Variants in SLC25A21 observed in about 807,000 individuals in gnomAD.
SLC25A21 encodes the protein solute carrier family 25 member 21.
Under a neutral mutation model 43.8 loss-of-function variants are expected in SLC25A21, and 47 were observed. The observed-to-expected ratio is 1.07, with a 90% CI of 0.85 to 1.37. SLC25A21 has a LOEUF of 1.37. Ranked by LOEUF, SLC25A21 falls within the 40% of genes most tolerant of loss-of-function variation. The probability of loss-of-function intolerance (pLI) is 0.00; values close to 1 mark genes in which losing one functional copy is unlikely to be tolerated. For synonymous variants in SLC25A21, 131 were observed against 121.3 expected (o/e 1.08, Z -0.52); for missense variants, 352 against 350.2 (o/e 1.00, Z -0.04).
At chr14:36,940,636 T>C (rs1283905366) in intron 1 of SLC25A21, among the ~76,000 whole-genome samples, 1 of 152,140 alleles carries the variant, frequency 6.6e-6, no homozygotes, top group African/African-American at 2.4e-5. Flanking sequence ...TATCTTACCA[T>C]GCAACGTATC....
chr14:36,749,231 C>T (rs1200645200), intron 3 of SLC25A21, among the ~76,000 whole-genome samples: 1 of 152,128 alleles, frequency 6.6e-6, no homozygotes, highest in Non-Finnish European at 1.5e-5. Context: ...CTGCCTGATT[C>T]GCGAATCGTT....
At chr14:36,985,503 T>A (rs1188197140) in intron 1 of SLC25A21, among the ~76,000 whole-genome samples, 4 of 152,174 alleles carry the variant, frequency 2.6e-5, no homozygotes, top group Non-Finnish European at 5.9e-5. Flanking sequence ...AATTCATCAA[T>A]CCTTTCTTTA....
intron 1 of SLC25A21, among the ~76,000 whole-genome samples, chr14:37,011,660 C>G (rs951541572): frequency 1.3e-5 from 2 of 152,114 alleles, no homozygotes; most frequent in African/African-American, 4.8e-5. Context: ...ATTATCTCAG[C>G]TAATACGTTT....
intron 1 of SLC25A21, among the ~76,000 whole-genome samples, chr14:36,980,783 A>G (rs548625733): frequency 6.6e-6 from 1 of 152,364 alleles, no homozygotes; most frequent in Admixed American, 6.5e-5. Context: ...AGGCATGGGC[A>G]AGGATTTCAT....
intron 3 of SLC25A21, among the ~76,000 whole-genome samples, chr14:36,737,681 T>C (rs147140811): frequency 9.8e-5 from 15 of 152,326 alleles, no homozygotes; most frequent in African/African-American, 3.6e-4. Context: ...ATTCGTATAA[T>C]ATGATACAAT....
At chr14:37,121,275 G>A (rs1261621041) in intron 1 of SLC25A21, among the ~76,000 whole-genome samples, 1 of 152,058 alleles carries the variant, frequency 6.6e-6, no homozygotes, top group African/African-American at 2.4e-5. Context: ...CTTTCTTTTG[G>A]CCGATTACAT....
At chr14:36,986,991 C>G (rs1234817536) in intron 1 of SLC25A21, among the ~76,000 whole-genome samples, 1 of 152,076 alleles carries the variant, frequency 6.6e-6, no homozygotes, top group Non-Finnish European at 1.5e-5. Flanking sequence ...CCTTGAAACA[C>G]CATGAGACTC....
At chr14:36,984,894 T>C (rs1027206987) in intron 1 of SLC25A21, among the ~76,000 whole-genome samples, 3 of 151,508 alleles carry the variant, frequency 2.0e-5, no homozygotes, top group Non-Finnish European at 4.4e-5. Flanking sequence ...TATTGCAGCA[T>C]TATTCACAAT....
chr14:37,122,810 A>G (rs546965516), intron 1 of SLC25A21, among the ~76,000 whole-genome samples: 16 of 152,282 alleles, frequency 1.1e-4, no homozygotes, highest in South Asian at 1.0e-3. Context: ...TTGTCCCCCA[A>G]TAACTGAGAA....
chr14:37,092,698 G>A (rs971622703), intron 1 of SLC25A21, among the ~76,000 whole-genome samples: 13 of 152,052 alleles, frequency 8.5e-5, no homozygotes, highest in Non-Finnish European at 1.5e-4. Flanking sequence ...TGGAAAGTGG[G>A]GCGGAAAAAC....
chr14:36,788,049 G>C (rs1887315025), intron 3 of SLC25A21, among the ~76,000 whole-genome samples: 1 of 152,138 alleles, frequency 6.6e-6, no homozygotes, highest in Non-Finnish European at 1.5e-5. Flanking sequence ...GCAAGGAAAA[G>C]GCTAGCATTT....
chr14:36,768,660 G>A (rs1886502066), intron 3 of SLC25A21, among the ~76,000 whole-genome samples: 1 of 152,122 alleles, frequency 6.6e-6, no homozygotes, highest in Non-Finnish European at 1.5e-5. Flanking sequence ...CATTAGGCAG[G>A]TTACTTAACT....
At chr14:36,897,827 C>T (rs1891287584) in intron 1 of SLC25A21, among the ~76,000 whole-genome samples, 1 of 152,206 alleles carries the variant, frequency 6.6e-6, no homozygotes, top group Admixed American at 6.5e-5. Flanking sequence ...TGGGTATCAG[C>T]AGCAGAGGCT....
chr14:37,093,633 G>T (rs543162365), intron 1 of SLC25A21, among the ~76,000 whole-genome samples: 1 of 152,304 alleles, frequency 6.6e-6, no homozygotes, highest in South Asian at 2.1e-4. Context: ...TTGCGTGTAA[G>T]AAAGAGGCTT....
chr14:36,724,061 T>G (rs965423294), intron 6 of SLC25A21, among the ~76,000 whole-genome samples: 13 of 152,250 alleles, frequency 8.5e-5, no homozygotes, highest in African/African-American at 3.1e-4. Context: ...AATAAGCCAT[T>G]TGAAAAATGT....
chr14:36,786,578 T>C (rs979577256), intron 3 of SLC25A21, among the ~76,000 whole-genome samples: 3 of 152,200 alleles, frequency 2.0e-5, no homozygotes, highest in Non-Finnish European at 2.9e-5. Flanking sequence ...CAGGCAGAGC[T>C]TAAATCCATA....
rs181597858 is a variant in SLC25A21, at chr14:36,960,465, T to C, written c.71-85461A>G. The stretch of plus-strand genomic sequence containing the variant: ...TAGATAGATGCCTATGTTTTTCAAA[T>C]CATAGTAAGATTTGCATGTAATAAT... On this transcript the variant is annotated intron_variant, in intron 1 of 9. Transcript: ENST00000331299. 2.0e-5 allele frequency among the ~76,000 whole-genome samples: 3 copies of C among 152,286 alleles called. No homozygotes were observed. The East Asian group carries it at 5.8e-4, about 29-fold the overall frequency.
chr14:36,823,396 A>C (rs2138465106), intron 2 of SLC25A21, among the ~76,000 whole-genome samples: 1 of 152,282 alleles, frequency 6.6e-6, no homozygotes, highest in Middle Eastern at 3.4e-3. Context: ...GCTTAATATC[A>C]GATTATAGTG....
At chr14:36,685,012 A>G (rs1882473619) in intron 7 of SLC25A21, 87 bp from the exon 8 acceptor site, 5 of 1,009,510 alleles carry the variant, frequency 5.0e-6, no homozygotes, top group Non-Finnish European at 7.1e-6. Context: ...GTATTTAAGC[A>G]GAGCATTGCA....
Sources: allele counts gnomAD v4.1 joint callset (sites outside exome capture counted in the v4.1 genomes callset), GRCh38; gene constraint gnomAD v4.1.1; transcripts MANE v1.5; gene names NCBI Gene and HGNC (gene_info 2026-07-23, HGNC 2026-07-21).